Variants in FRMD4B observed in about 807,000 individuals in gnomAD.
FRMD4B encodes FERM domain containing 4B.
A neutral mutation model predicts 141.5 loss-of-function variants in FRMD4B; 74 were observed. That is an observed-to-expected ratio of 0.52 (90% CI 0.43 to 0.63). The LOEUF (loss-of-function observed/expected upper bound fraction) is 0.63. FRMD4B is among the 30% of genes least tolerant of loss of function. The pLI is 0.00. For synonymous variants in FRMD4B, 506 were observed against 467.9 expected, an observed-to-expected ratio of 1.08 and a Z score of -1.05; for missense variants, 1,366 against 1,253.4, an observed-to-expected ratio of 1.09 and a Z score of -1.36.
At chr3:69,260,160 C>A (rs1011659552) in intron 5 of FRMD4B, among the ~76,000 whole-genome samples, 30 of 152,294 alleles carry the variant, frequency 2.0e-4, no homozygotes, top group African/African-American at 6.7e-4. Context: ...GGTGTCCACT[C>A]TGGTCTCGCT....
At chr3:69,230,314 A>G (rs902105041) in intron 7 of FRMD4B, among the ~76,000 whole-genome samples, 1 of 152,194 alleles carries the variant, frequency 6.6e-6, no homozygotes, top group East Asian at 1.9e-4. Flanking sequence ...TCTAGTTTAT[A>G]TGGAGATGAA....
intron 5 of FRMD4B, among the ~76,000 whole-genome samples, chr3:69,284,321 A>G (rs966749282): frequency 3.3e-5 from 5 of 152,296 alleles, no homozygotes; most frequent in African/African-American, 1.2e-4. Flanking sequence ...ATGAAAAGAA[A>G]CTACCCAAAG....
At chr3:69,303,051 G>A (rs1701268181) in intron 3 of FRMD4B, among the ~76,000 whole-genome samples, 1 of 152,054 alleles carries the variant, frequency 6.6e-6, no homozygotes. Flanking sequence ...TCCAGCCTGG[G>A]CAACATCCCC....
intron 1 of FRMD4B, among the ~76,000 whole-genome samples, chr3:69,523,095 C>A (rs1302730953): frequency 1.3e-5 from 2 of 149,550 alleles, no homozygotes; most frequent in Admixed American, 6.7e-5. Context: ...TTCTGACCAC[C>A]TGGAGAGGCC....
At chr3:69,471,343 A>G (rs1323239153) in intron 1 of FRMD4B, 3 of 187,420 alleles carry the variant, frequency 1.6e-5, no homozygotes, top group African/African-American at 7.0e-5. Flanking sequence ...AAGGGTGATC[A>G]TAAGGATTAA....
chr3:69,302,365 T>A lies in FRMD4B; in HGVS notation c.394A>T (p.Thr132Ser), dbSNP rs1559790583. 1 of 1,604,486 alleles carries A rather than the reference T, an allele frequency of 6.2e-7. No individual in the cohort carries two copies. Among genetic ancestry groups the A allele is most frequent in the African/African-American group, 1.3e-5 (1 of 74,856 alleles). Reference protein sequence around the residue: ...DHDLPKKPGPTILHFAVRFYI... With the variant: ...DHDLPKKPGPSILHFAVRFYI... ...TACCTCACAGCAAAGTGCAAAATGGTTGGGCCTGGTTTCTTGGGCAAATCG... is the reference window on the plus strand; with the variant it reads ...TACCTCACAGCAAAGTGCAAAATGGATGGGCCTGGTTTCTTGGGCAAATCG... Residue 132 changes from threonine (T) to serine (S), a missense_variant, in exon 4 of 23, where the codon ACC (threonine) becomes TCC (serine). Transcript: ENST00000398540.
At chr3:69,512,676 T>C (rs768845008) in intron 1 of FRMD4B, among the ~76,000 whole-genome samples, 2 of 152,166 alleles carry the variant, frequency 1.3e-5, no homozygotes, top group Non-Finnish European at 2.9e-5. Flanking sequence ...AAGAGGATCC[T>C]ACTGGCCCAA....
At position 69,505,762 on chromosome 3, in the gene FRMD4B, C is replaced by T. The variant is rs554856329; in HGVS notation, c.-129+36444G>A. On this transcript the variant is annotated intron_variant, in intron 1 of 5. Coordinates refer to the FRMD4B transcript ENST00000459638. ...GAAGTGAAAATTTGTTTTCTACATG[C>T]TGTGGATTTTAATCCAACATAGCTG... Among the ~76,000 whole-genome samples the T allele has an allele frequency of 4.2e-4, 64 of 152,194 alleles. 1 individual carries two copies. The highest frequency in any genetic ancestry group is 8.7e-4 in the Non-Finnish European group (59 of 68,030).
intron 1 of FRMD4B, among the ~76,000 whole-genome samples, chr3:69,538,304 A>C (rs2107174527): frequency 9.0e-6 from 1 of 111,424 alleles, no homozygotes; most frequent in Admixed American, 9.3e-5. Context: ...ATATGTAAGA[A>C]AAAAATATAT....
chr3:69,359,207 A>G (rs934015571), intron 1 of FRMD4B, among the ~76,000 whole-genome samples: 3 of 152,160 alleles, frequency 2.0e-5, no homozygotes, highest in Non-Finnish European at 2.9e-5. Context: ...AAGACTTAGG[A>G]GGAAAATAAA....
intron 1 of FRMD4B, among the ~76,000 whole-genome samples, chr3:69,455,797 ATAAATTTT>A (rs1232401975): frequency 5.3e-5 from 8 of 152,202 alleles, no homozygotes; most frequent in African/African-American, 1.9e-4. Context: ...AACTGTGTTA[ATAAATTTT>A]TAAACATTGT....
At chr3:69,539,841 G>GTT (rs199623173) in intron 1 of FRMD4B, among the ~76,000 whole-genome samples, 1 of 41,880 alleles carries the variant, frequency 2.4e-5, no homozygotes, top group East Asian at 4.4e-4. Flanking sequence ...TGTTCAAACA[G>GTT]TGTGTGTGTG....
intron 1 of FRMD4B, among the ~76,000 whole-genome samples, chr3:69,493,834 G>A (rs973480724): frequency 6.6e-6 from 1 of 152,200 alleles, no homozygotes; most frequent in East Asian, 1.9e-4. Flanking sequence ...CAAGGAAGGA[G>A]TATGATACGT....
chr3:69,336,748 G>A (rs1702565811), intron 1 of FRMD4B, among the ~76,000 whole-genome samples: 1 of 152,182 alleles, frequency 6.6e-6, no homozygotes, highest in African/African-American at 2.4e-5. Context: ...AGGAGTTCGA[G>A]ACCAGCCTGG....
intron 10 of FRMD4B, among the ~76,000 whole-genome samples, chr3:69,217,926 T>A (rs1164199586): frequency 6.6e-6 from 1 of 152,156 alleles, no homozygotes; most frequent in Non-Finnish European, 1.5e-5. Context: ...CATCTGAAAA[T>A]ACAGTGTATG....
intron 14 of FRMD4B, 96 bp from the exon 15 acceptor site, chr3:69,195,460 T>C (rs2092892984): frequency 1.1e-6 from 1 of 933,222 alleles, no homozygotes; most frequent in Non-Finnish European, 1.6e-6. Flanking sequence ...TGCTATTAAA[T>C]GGTAGTTTAT....
intron 19 of FRMD4B, among the ~76,000 whole-genome samples, chr3:69,185,946 G>A (rs1193698827): frequency 6.6e-6 from 1 of 152,048 alleles, no homozygotes; most frequent in Non-Finnish European, 1.5e-5. Flanking sequence ...GAAGGCTGAG[G>A]GGGGAGAATT....
At chr3:69,471,456 CT>C in intron 1 of FRMD4B, 1 of 261,304 alleles carries the variant, frequency 3.8e-6, no homozygotes. Flanking sequence ...ATTAACTAAC[CT>C]TTTGCCCTAT....
At chr3:69,420,761 C>T (rs1371727048) in intron 2 of FRMD4B, among the ~76,000 whole-genome samples, 2 of 152,158 alleles carry the variant, frequency 1.3e-5, no homozygotes, top group African/African-American at 4.8e-5. Flanking sequence ...TCTACTTTTA[C>T]TCTGGCCTAA....
Sources: gnomAD v4.1 joint callset for allele counts (sites outside exome capture counted in the v4.1 genomes callset) on GRCh38, gnomAD v4.1.1 for gene constraint, MANE v1.5 for transcripts, NCBI Gene and HGNC (gene_info 2026-07-23, HGNC 2026-07-21) for gene names.